The following RAPGEF6 variants were observed in gnomAD, a reference collection of about 807,000 sequenced individuals.
RAPGEF6 encodes PDZ domain containing guanine nucleotide exchange factor (GEF) 2.
Under a neutral mutation model 171.4 loss-of-function variants are expected in RAPGEF6, and 56 were observed. That is an observed-to-expected ratio of 0.33 (90% CI 0.26 to 0.41). The LOEUF (loss-of-function observed/expected upper bound fraction) is 0.41. Among genes scored for constraint, RAPGEF6 ranks in the 10% least tolerant of loss-of-function variants. The pLI is 1.00. For missense variants in RAPGEF6, 1,674 were observed against 1,921.4 expected (o/e 0.87, Z 2.41); for synonymous variants, 692 against 650.1 (o/e 1.06, Z -0.98).
chr5:131,570,857 A>T (rs1762235468), intron 4 of RAPGEF6, among the ~76,000 whole-genome samples: 1 of 152,186 alleles, frequency 6.6e-6, no homozygotes, highest in South Asian at 2.1e-4. Flanking sequence ...GATAAAGGTC[A>T]TCTATGAAAA....
chr5:131,505,667 C>T, intron 9 of RAPGEF6, 145 bp from the exon 10 acceptor site: 1 of 694,464 alleles, frequency 1.4e-6, no homozygotes, highest in Non-Finnish European at 2.3e-6. Flanking sequence ...CTGTAACACC[C>T]TATGCTTTGA....
intron 18 of RAPGEF6, among the ~76,000 whole-genome samples, chr5:131,462,410 C>T (rs896162076): frequency 2.0e-5 from 3 of 152,160 alleles, no homozygotes; most frequent in Non-Finnish European, 4.4e-5. Context: ...ACTGTTTTAT[C>T]TGACAGAGGA....
chr5:131,477,797 C>A (rs1279596052), intron 16 of RAPGEF6, among the ~76,000 whole-genome samples: 2 of 152,136 alleles, frequency 1.3e-5, no homozygotes, highest in Non-Finnish European at 2.9e-5. Flanking sequence ...AAGATCTATT[C>A]CAGACAAAAC....
At chr5:131,521,296 T>C in intron 7 of RAPGEF6, 94 bp downstream of exon 7, 1 of 1,289,118 alleles carries the variant, frequency 7.8e-7, no homozygotes. Flanking sequence ...AATTTCATAC[T>C]CTAAAAGATA....
In RAPGEF6 at chr5:131,528,177, TTTATA is replaced by T. The variant is rs558814800; in HGVS notation, c.496-6661_496-6657del. Among the ~76,000 whole-genome samples the T allele has an allele frequency of 6.6e-3, 398 of 60,318 alleles. 18 individuals carry two copies. The East Asian group carries it at 0.1, about 16-fold the overall frequency. The allele number at this position is 60,318 out of a possible 152,430, so 39.6% of individuals were successfully genotyped here. A position where few individuals can be genotyped will look rare whatever the true frequency, so the allele number is the denominator to read the frequency against. ...ATATAAAATATATATTACATATAAA[TTTATA>T]TTATATTATAATTATATATATTATA... On this transcript the variant is annotated intron_variant, in intron 6 of 27. Coordinates refer to ENST00000509018, the MANE Select transcript of RAPGEF6 (RefSeq NM_016340.6).
At position 131,521,881 on chromosome 5, in the gene RAPGEF6, ACACACACACACTCT is replaced by A. The variant is rs1187041169; in HGVS notation, c.496-374_496-361del. Reference sequence around the variant, plus strand: ...CACACACACACACACACACACACACACACACACACACTCTCTCTCTCTCTCACACACACACTCAC... The same window carrying A: ...CACACACACACACACACACACACACACTCTCTCTCTCACACACACACTCAC... On this transcript the variant is annotated intron_variant, in intron 6 of 27. Coordinates refer to ENST00000509018, the MANE Select transcript of RAPGEF6 (RefSeq NM_016340.6). 1.6e-3 allele frequency among the ~76,000 whole-genome samples: 206 copies of A among 125,572 alleles called. 2 individuals are homozygous for A. The highest frequency in any genetic ancestry group is 8.4e-3 in the Admixed American group (109 of 12,938). 82.4% of individuals were successfully genotyped at this position (125,572 alleles called of 152,430 possible).
At chr5:131,575,621 T>C (rs944758830) in intron 4 of RAPGEF6, among the ~76,000 whole-genome samples, 3 of 152,138 alleles carry the variant, frequency 2.0e-5, no homozygotes, top group South Asian at 2.1e-4. Context: ...TAAACCACTA[T>C]ATAAACTCAC....
At chr5:131,504,592 A>T in intron 11 of RAPGEF6, 34 bp downstream of exon 11, 1 of 1,532,792 alleles carries the variant, frequency 6.5e-7, no homozygotes, top group Non-Finnish European at 8.7e-7. Flanking sequence ...ATAGAATAAA[A>T]TCAGTGACTA....
intron 1 of RAPGEF6, among the ~76,000 whole-genome samples, chr5:131,629,855 A>G (rs1766189610): frequency 6.6e-6 from 1 of 152,196 alleles, no homozygotes; most frequent in African/African-American, 2.4e-5. Context: ...AAACTTGAGT[A>G]GATGAGAAGC....
At chr5:131,581,555 C>T (rs1307261670) in intron 4 of RAPGEF6, among the ~76,000 whole-genome samples, 1 of 152,112 alleles carries the variant, frequency 6.6e-6, no homozygotes, top group African/African-American at 2.4e-5. Context: ...TAATCTCTCC[C>T]ACTTAGGTTC....
At position 131,603,296 on chromosome 5, in the gene RAPGEF6, A is replaced by C. The variant is rs368277030; in HGVS notation, c.172T>G (p.Tyr58Asp). 6.3e-7 allele frequency: 1 copy of C among 1,582,772 alleles called. No homozygotes were observed. ...CAAAAGAGAACCTGATTGCCACTGT[A>C]TCTCTCATAGCGTGCTCTTGCAGAC... Reference protein sequence around the residue: ...LMSARARYERYSGNQVLFCSE... With the variant: ...LMSARARYERDSGNQVLFCSE... The change falls in exon 3 of 28, where the codon TAC (tyrosine) becomes GAC (aspartate). Residue 58 changes from tyrosine (Y) to aspartate (D), a missense_variant. Physicochemically the swap from Tyr to Asp is radical, Grantham distance 160. Coordinates refer to ENST00000509018, the MANE Select transcript of RAPGEF6 (RefSeq NM_016340.6).
At chr5:131,435,259 G>T (rs955277743) in intron 24 of RAPGEF6, among the ~76,000 whole-genome samples, 1 of 152,216 alleles carries the variant, frequency 6.6e-6, no homozygotes. Context: ...AGACAAGCCA[G>T]TCTTCTGACG....
Position 131,598,762 on chromosome 5 carries a change from C to T in RAPGEF6, c.197+4509G>A, listed in dbSNP as rs531195719. Among the ~76,000 whole-genome samples, 8 of 152,332 alleles carry T rather than the reference C, an allele frequency of 5.3e-5. No individual in the cohort carries two copies. In the East Asian group the frequency reaches 1.5e-3, roughly 29 times the overall value. ...ATAAATGGAAGAATATACATGTTTG[C>T]AGATTGACAGATTCATTGTAACAAC... On this transcript the variant is annotated intron_variant, in intron 3 of 27. Transcript: ENST00000509018.
intron 21 of RAPGEF6, among the ~76,000 whole-genome samples, chr5:131,448,479 A>G (rs765509828): frequency 2.2e-4 from 34 of 152,194 alleles, no homozygotes; most frequent in Non-Finnish European, 3.8e-4. Flanking sequence ...TAAAATAACA[A>G]TATGTCCAAC....
chr5:131,517,426 T>A (rs997433118), intron 7 of RAPGEF6, among the ~76,000 whole-genome samples: 1 of 151,000 alleles, frequency 6.6e-6, no homozygotes, highest in Admixed American at 6.7e-5. Context: ...TCTAGAAGAA[T>A]AAAAGCAGAA....
intron 6 of RAPGEF6, among the ~76,000 whole-genome samples, chr5:131,524,499 A>C (rs1451994852): frequency 1.3e-5 from 2 of 152,102 alleles, no homozygotes; most frequent in African/African-American, 4.8e-5. Flanking sequence ...CAAAGAATGG[A>C]AAAATATAGA....
intron 4 of RAPGEF6, among the ~76,000 whole-genome samples, chr5:131,587,778 G>T (rs1212159398): frequency 6.6e-6 from 1 of 152,072 alleles, no homozygotes; most frequent in East Asian, 1.9e-4. Context: ...TTCCCCAAAG[G>T]AAGCCATAAA....
intron 3 of RAPGEF6, among the ~76,000 whole-genome samples, chr5:131,599,631 T>C (rs1561595540): frequency 6.6e-6 from 1 of 152,222 alleles, no homozygotes; most frequent in Non-Finnish European, 1.5e-5. Context: ...TAGGGATACC[T>C]AATGAATCTT....
chr5:131,603,394 C>T, intron 2 of RAPGEF6, 67 bp from the exon 3 acceptor site: 1 of 1,027,156 alleles, frequency 9.7e-7, no homozygotes, highest in Non-Finnish European at 1.4e-6. Context: ...AATTTGACCT[C>T]AACTAATTAT....
Sources: gnomAD v4.1 joint callset for allele counts (sites outside exome capture counted in the v4.1 genomes callset) on GRCh38, gnomAD v4.1.1 for gene constraint, MANE v1.5 for transcripts, NCBI Gene and HGNC (gene_info 2026-07-23, HGNC 2026-07-21) for gene names.